Variants in TMIGD2 observed in about 807,000 individuals in gnomAD.
The protein encoded by TMIGD2 is transmembrane and immunoglobulin domain-containing protein 2.
TMIGD2 carries 18 observed loss-of-function variants against 22.6 expected under a neutral mutation model. The ratio of observed to expected loss-of-function variants is 0.80; its 90% CI spans 0.55 to 1.18. TMIGD2 has a LOEUF of 1.18. Ranked by LOEUF, TMIGD2 falls within the 50% of genes most tolerant of loss-of-function variation. The probability of loss-of-function intolerance (pLI) is 0.00; values close to 1 mark genes in which losing one functional copy is unlikely to be tolerated. For synonymous variants in TMIGD2, 184 were observed against 154.1 expected (o/e 1.19, Z -1.44); for missense variants, 361 against 378.2 (o/e 0.95, Z 0.38).
intron 2 of TMIGD2, 81 bp from the exon 3 acceptor site, chr19:4,294,897 T>C (rs1668698000): frequency 1.1e-5 from 15 of 1,352,574 alleles, no homozygotes; most frequent in Non-Finnish European, 1.5e-5. Flanking sequence ...GGGACCTAAG[T>C]GTTCCTCCTC....
chr19:4,301,559 A>G (rs1324313994), intron 1 of TMIGD2, among the ~76,000 whole-genome samples: 2 of 152,182 alleles, frequency 1.3e-5, no homozygotes, highest in South Asian at 2.1e-4. Flanking sequence ...AGTCCCAGCT[A>G]CTCGGGAGCC....
At chr19:4,292,744 T>C in exon 5 of TMIGD2, 1 of 1,610,054 alleles carries the variant, frequency 6.2e-7, no homozygotes, top group Non-Finnish European at 8.5e-7. Context: ...TGACGCCAGG[T>C]GCGGCTGGCG....
At chr19:4,296,094 T>A (rs920471268) in intron 2 of TMIGD2, among the ~76,000 whole-genome samples, 2 of 152,118 alleles carry the variant, frequency 1.3e-5, no homozygotes, top group Non-Finnish European at 2.9e-5. Flanking sequence ...AATTTTAGAA[T>A]TTCTTGTAGA....
rs1161988372 is a variant in TMIGD2, at chr19:4,298,313, G to A, written c.79C>T (p.Gln27Ter). ...CTCACCTGCAGCAAGTTGGGCCCCT[G>A]CTGCACGCTCAGGCTTGAGGCTTCT... is the stretch of plus-strand genomic sequence containing the variant. The change falls in exon 2 of 5, where the codon CAG (glutamine) becomes TAG (stop). Residue 27 changes from glutamine (Q) to a stop codon, truncating the protein, a stop_gained. Transcript: ENST00000301272. LOFTEE classifies it high-confidence loss of function. 1 of 1,597,264 alleles carries A rather than the reference G, an allele frequency of 6.3e-7. No homozygotes were observed. Among genetic ancestry groups the A allele is most frequent in the East Asian group, 2.2e-5 (1 of 44,732 alleles).
chr19:4,298,423 C>A, intron 1 of TMIGD2, 78 bp from the exon 2 acceptor site: 1 of 1,474,564 alleles, frequency 6.8e-7, no homozygotes, highest in Non-Finnish European at 8.9e-7. Context: ...CCTAGTGAGC[C>A]CGCAGTCTGG....
At chr19:4,293,902 C>T (rs1034490801) in intron 4 of TMIGD2, among the ~76,000 whole-genome samples, 1 of 151,866 alleles carries the variant, frequency 6.6e-6, no homozygotes, top group African/African-American at 2.4e-5. Flanking sequence ...GCTGGGACTA[C>T]AGGCACAGGC....
At chr19:4,292,691 C>G in exon 5 of TMIGD2, 1 of 1,602,686 alleles carries the variant, frequency 6.2e-7, no homozygotes. Flanking sequence ...ACGGGGTGGC[C>G]GGGCCTGGGG....
intron 2 of TMIGD2, among the ~76,000 whole-genome samples, chr19:4,297,427 TG>T (rs374466892): frequency 6.6e-6 from 1 of 152,170 alleles, no homozygotes; most frequent in African/African-American, 2.4e-5. Context: ...TGGAGTGCAG[TG>T]GTGCACTCAT....
intron 4 of TMIGD2, among the ~76,000 whole-genome samples, chr19:4,294,051 C>T (rs1017590505): frequency 7.9e-5 from 12 of 151,742 alleles, no homozygotes; most frequent in Non-Finnish European, 1.3e-4. Flanking sequence ...CATGAGACAC[C>T]ATGCACAGCC....
rs201966094 is a variant in TMIGD2 at position 4,292,753 on chromosome 19, C to T, written c.695G>A (p.Arg232His). The stretch of plus-strand genomic sequence containing the variant: ...GGGTCTTGACGCCAGGTGCGGCTGG[C>T]GGGGGGCCGGTTGCGGGAAGGAGGT... The change falls in exon 5 of 5, where the codon CGC (arginine) becomes CAC (histidine). Residue 232 changes from arginine to histidine, a missense_variant. Physicochemically the swap from Arg to His is conservative, Grantham distance 29 (BLOSUM62 0). Transcript: ENST00000301272. 153 of 1,608,822 alleles carry T rather than the reference C, an allele frequency of 9.5e-5. 2 individuals are homozygous for T. Among genetic ancestry groups the T allele is most frequent in the South Asian group, 6.4e-4 (58 of 90,662 alleles).
At chr19:4,294,525 A>G (rs570262007) in intron 4 of TMIGD2, 54 bp downstream of exon 4, 155 of 1,559,724 alleles carry the variant, frequency 9.9e-5, no homozygotes, top group Non-Finnish European at 1.3e-4. Context: ...GTCTTTGTCA[A>G]GCAGCTGCAG....
At chr19:4,293,464 G>A (rs1022031725) in intron 4 of TMIGD2, among the ~76,000 whole-genome samples, 2 of 150,096 alleles carry the variant, frequency 1.3e-5, no homozygotes, top group African/African-American at 4.9e-5. Context: ...GTTTCACCAC[G>A]TTGGCCAGGC....
chr19:4,292,770 G>A (rs1284605610), exon 5 of TMIGD2: 4 of 1,611,620 alleles, frequency 2.5e-6, no homozygotes, highest in East Asian at 2.2e-5. Flanking sequence ...CCGGTTGCGG[G>A]AAGGAGGTTG....
chr19:4,295,196 G>T (rs1171667970), intron 2 of TMIGD2, among the ~76,000 whole-genome samples: 3 of 148,086 alleles, frequency 2.0e-5, no homozygotes, highest in African/African-American at 7.6e-5. Flanking sequence ...AGGAGGGGGA[G>T]GTTGCAGTGA....
chr19:4,294,493 G>A (rs1422694896), intron 4 of TMIGD2, 86 bp downstream of exon 4: 8 of 1,299,022 alleles, frequency 6.2e-6, no homozygotes, highest in African/African-American at 1.5e-5. Flanking sequence ...CCTTCCCCCA[G>A]GCGGGAGCAC....
chr19:4,298,301 A>C (rs759701263), exon 2 of TMIGD2: 1 of 1,603,510 alleles, frequency 6.2e-7, no homozygotes, highest in Non-Finnish European at 8.5e-7. Flanking sequence ...ACCTGCAGCA[A>C]GTTGGGCCCC....
At chr19:4,297,428 G>A (rs941186822) in intron 2 of TMIGD2, among the ~76,000 whole-genome samples, 5 of 152,150 alleles carry the variant, frequency 3.3e-5, no homozygotes, top group African/African-American at 1.2e-4. Flanking sequence ...GGAGTGCAGT[G>A]GTGCACTCAT....
chr19:4,292,550 T>G, exon 5 of TMIGD2: 6 of 1,561,662 alleles, frequency 3.8e-6, no homozygotes, highest in South Asian at 1.1e-5. Context: ...ATCCCCCCTT[T>G]TTTGTGTGTA....
At chr19:4,302,271 C>G in intron 1 of TMIGD2, 69 bp downstream of exon 1, 1 of 1,507,196 alleles carries the variant, frequency 6.6e-7, no homozygotes, top group Non-Finnish European at 9.0e-7. Flanking sequence ...GGGCCCTGAG[C>G]TGGGGGGCAG....
Sources: allele counts gnomAD v4.1 joint callset (sites outside exome capture counted in the v4.1 genomes callset), GRCh38; gene constraint gnomAD v4.1.1; transcripts MANE v1.5; gene names NCBI Gene and HGNC (gene_info 2026-07-23, HGNC 2026-07-21).